The following PADI6 variants were observed in gnomAD, a reference collection of about 807,000 sequenced individuals.
PADI6 encodes the protein peptidyl arginine deiminase 6.
PADI6 carries 66 observed loss-of-function variants against 78.2 expected under a neutral mutation model. The observed-to-expected ratio is 0.84, with a 90% CI of 0.69 to 1.04. The LOEUF (loss-of-function observed/expected upper bound fraction) is 1.04, where lower values mean the gene tolerates loss of function less well. Ranked by LOEUF, PADI6 falls within the 50% of genes least tolerant of loss-of-function variation. The pLI is 0.00. For missense variants in PADI6, 854 were observed against 866.1 expected, an observed-to-expected ratio of 0.99 and a Z score of 0.18; for synonymous variants, 397 against 346.9, an observed-to-expected ratio of 1.14 and a Z score of -1.60.
At chr1:17,381,714 C>A (rs374771712) in intron 5 of PADI6, among the ~76,000 whole-genome samples, 1 of 152,096 alleles carries the variant, frequency 6.6e-6, no homozygotes, top group African/African-American at 2.4e-5. Context: ...TCGAGGTAGG[C>A]CCTGTTCTGT....
rs753997866 is a variant in PADI6 at position 17,395,589 on chromosome 1, G to A, written c.1544G>A (p.Arg515Gln). The A allele has an allele frequency of 6.3e-6, 10 of 1,588,666 alleles. No homozygotes were observed. Among genetic ancestry groups the A allele is most frequent in the Non-Finnish European group, 7.7e-6 (9 of 1,167,214 alleles). ...CCCAGTGCCTGCTATAAACTGTTCC[G>A]AGAGAAACAGAAGGAAGGCTATGGC... Reference protein sequence around the residue: ...ASPSACYKLFREKQKEGYGDA... With the variant: ...ASPSACYKLFQEKQKEGYGDA... Residue 515 changes from arginine (R) to glutamine (Q), a missense_variant, in exon 13 of 16, where the codon CGA becomes CAA. Coordinates refer to ENST00000619609, the MANE Select transcript of PADI6 (RefSeq NM_207421.4).
intron 15 of PADI6, among the ~76,000 whole-genome samples, chr1:17,400,876 C>T (rs1397163124): frequency 6.6e-6 from 1 of 152,068 alleles, no homozygotes; most frequent in Admixed American, 6.6e-5. Context: ...ACAAAAGATG[C>T]GCAGCAGTCA....
chr1:17,382,061 G>C lies in PADI6; in HGVS notation c.648G>C (p.Glu216Asp). 1 of 1,614,004 alleles carries C rather than the reference G, an allele frequency of 6.2e-7. No homozygotes were observed. Among genetic ancestry groups the C allele is most frequent in the Non-Finnish European group, 8.5e-7 (1 of 1,179,874 alleles). ...YRLVLHTSKE[E>D]SKKARVYWPQ... is the part of the protein sequence containing the mutation. ...TAGTCCTCCATACCTCCAAGGAAGAGTCGAAGAAGGCGAGAGTCTACTGGC... is the reference window on the plus strand; with the variant it reads ...TAGTCCTCCATACCTCCAAGGAAGACTCGAAGAAGGCGAGAGTCTACTGGC... The change falls in exon 6 of 16, where the codon GAG (glutamate) becomes GAC (aspartate). Residue 216 changes from glutamate (E) to aspartate (D), a missense_variant. Transcript: ENST00000619609.
chr1:17,398,353 G>A (rs934779646), intron 14 of PADI6, among the ~76,000 whole-genome samples: 1 of 152,098 alleles, frequency 6.6e-6, no homozygotes, highest in Non-Finnish European at 1.5e-5. Context: ...CAGGTGTGTT[G>A]GGTTATGTCT....
At position 17,397,136 on chromosome 1, in the gene PADI6, G is replaced by T; in HGVS notation, c.1684G>T (p.Val562Leu). 6.2e-7 allele frequency: 1 copy of T among 1,613,810 alleles called. No homozygotes were observed. The highest frequency in any genetic ancestry group is 8.5e-7 in the Non-Finnish European group (1 of 1,179,802). ...DESLKKQNEY[V>L]EKCIHLNRDI... ...AAGCCTGAAGAAGCAGAATGAATAC[G>T]TGGAGGTAGGACCAGTGTGAAGGGG... is the stretch of plus-strand genomic sequence containing the variant. Residue 562 changes from valine to leucine, a missense_variant, in exon 14 of 16, where the codon GTG becomes TTG. By Grantham distance (32) the Val-to-Leu change is conservative. Transcript: ENST00000619609.
At chr1:17,388,994 G>A (rs2075155719) in intron 8 of PADI6, 114 bp downstream of exon 8, 1 of 783,494 alleles carries the variant, frequency 1.3e-6, no homozygotes. Flanking sequence ...CAGGAGAGTT[G>A]AAACCCTTCT....
Position 17,394,010 on chromosome 1 carries a change from C to T in PADI6, c.1110C>T (p.His370=). 1 of 1,613,942 alleles carries T rather than the reference C, an allele frequency of 6.2e-7. No homozygotes were observed. The highest frequency in any genetic ancestry group is 8.5e-7 in the Non-Finnish European group (1 of 1,179,888). The change falls in exon 10 of 16, where the codon CAC becomes CAT. Residue 370 remains histidine, a synonymous_variant. Transcript: ENST00000619609. ...EMAFCYTQAP[H]KTTSLILDTP... ...CCTTCTGCTACACCCAGGCTCCCCA[C>T]AAGACAACGTCCTTGATCCTCGACA...
At chr1:17,374,048 C>T (rs2074991521) in intron 2 of PADI6, among the ~76,000 whole-genome samples, 1 of 152,058 alleles carries the variant, frequency 6.6e-6, no homozygotes, top group Non-Finnish European at 1.5e-5. Context: ...CATCAATACC[C>T]AGGCCACACC....
In PADI6 at chr1:17,401,450, G is replaced by A. The variant is rs780910924; in HGVS notation, c.*12G>A. The A allele has an allele frequency of 6.8e-6, 11 of 1,609,048 alleles. No homozygotes were observed. The highest frequency in any genetic ancestry group is 9.4e-6 in the Non-Finnish European group (11 of 1,176,250). On this transcript the variant is annotated 3_prime_UTR_variant, in exon 16 of 16. Transcript: ENST00000619609. ...AGATGGTACCTTAGACCCAGGCCCT[G>A]GAGCTGCCAGCTCTGCCCCAGCGTG...
At chr1:17,381,232 A>AAC in intron 5 of PADI6, 68 bp downstream of exon 5, 1 of 1,354,424 alleles carries the variant, frequency 7.4e-7, no homozygotes, top group South Asian at 1.3e-5. Context: ...CAGCAAATGG[A>AAC]TTCCAGACTA....
intron 11 of PADI6, 117 bp from the exon 12 acceptor site, chr1:17,394,834 G>A (rs1339974158): frequency 3.2e-6 from 4 of 1,241,976 alleles, no homozygotes; most frequent in East Asian, 5.1e-5. Context: ...CTATGGACCG[G>A]CCTCTTTCAC....
rs1183346878 is a variant in PADI6 at position 17,388,538 on chromosome 1, G to T, written c.837G>T (p.Leu279=). 6.2e-7 allele frequency: 1 copy of T among 1,612,436 alleles called. No homozygotes were observed. Among genetic ancestry groups the T allele is most frequent in the Non-Finnish European group, 8.5e-7 (1 of 1,178,772 alleles). ...GCCTCATCTCCTACTCTGTGTCCCTGGTGGAGGAGTCTCAAGACCCGGTAT... is the reference window on the plus strand; with the variant it reads ...GCCTCATCTCCTACTCTGTGTCCCTTGTGGAGGAGTCTCAAGACCCGGTAT... ...FSGLISYSVS[L]VEESQDPSIP... The change falls in exon 7 of 16, where the codon CTG becomes CTT. Residue 279 remains leucine (L), a synonymous_variant. Coordinates refer to ENST00000619609, the MANE Select transcript of PADI6 (RefSeq NM_207421.4).
chr1:17,374,703 C>T (rs1004494652), intron 2 of PADI6, among the ~76,000 whole-genome samples: 6 of 152,152 alleles, frequency 3.9e-5, no homozygotes, highest in South Asian at 4.1e-4. Flanking sequence ...GAACCATTCT[C>T]TGCCCAGGGC....
At chr1:17,387,687 C>A (rs971946621) in intron 6 of PADI6, among the ~76,000 whole-genome samples, 1 of 152,132 alleles carries the variant, frequency 6.6e-6, no homozygotes, top group African/African-American at 2.4e-5. Flanking sequence ...GGAGGCAAAG[C>A]TTACAGTGAG....
At chr1:17,400,501 G>GT (rs2075291448) in intron 15 of PADI6, among the ~76,000 whole-genome samples, 3 of 151,256 alleles carry the variant, frequency 2.0e-5, no homozygotes, top group Admixed American at 2.0e-4. Flanking sequence ...GAGCAAAACT[G>GT]TTTTGTTTTT....
chr1:17,377,886 C>T (rs1303044707), intron 3 of PADI6, among the ~76,000 whole-genome samples: 2 of 152,294 alleles, frequency 1.3e-5, no homozygotes, highest in South Asian at 2.1e-4. Flanking sequence ...ATTGGAATAA[C>T]GCCTTCCAAC....
At chr1:17,381,883 C>CG (rs2075076124) in intron 5 of PADI6, 84 bp from the exon 6 acceptor site, 1 of 1,527,038 alleles carries the variant, frequency 6.5e-7, no homozygotes, top group African/African-American at 1.4e-5. Flanking sequence ...TTCAAACTCC[C>CG]GGCCCCTCTC....
At chr1:17,376,589 G>A (rs1380167351) in intron 3 of PADI6, among the ~76,000 whole-genome samples, 8 of 145,398 alleles carry the variant, frequency 5.5e-5, no homozygotes, top group East Asian at 2.1e-4. Flanking sequence ...TAGTGGAGAC[G>A]GGATTTCACT....
chr1:17,393,018 C>T (rs371933838), intron 9 of PADI6, among the ~76,000 whole-genome samples: 22 of 152,042 alleles, frequency 1.4e-4, no homozygotes, highest in East Asian at 3.9e-4. Context: ...TGGTGGCGCG[C>T]GCCTGTAGTC....
Sources: gnomAD v4.1 joint callset for allele counts (sites outside exome capture counted in the v4.1 genomes callset) on GRCh38, gnomAD v4.1.1 for gene constraint, MANE v1.5 for transcripts, NCBI Gene and HGNC (gene_info 2026-07-23, HGNC 2026-07-21) for gene names.